B4GALNT2: variants seen among roughly 807,000 people sequenced by gnomAD.
The protein encoded by B4GALNT2 is beta-1,4-N-acetyl-galactosaminyltransferase 2 (SID blood group), also known as N-acetylneuraminylgalactosylglucosyl-glucoside beta-1,4-N- acetylgalactosaminyltransferase 2.
B4GALNT2 carries 42 observed loss-of-function variants against 51.1 expected under a neutral mutation model. The observed-to-expected ratio is 0.82, with a 90% confidence interval of 0.64 to 1.06. B4GALNT2 has a LOEUF of 1.06. Ranked by LOEUF, B4GALNT2 falls within the 50% of genes least tolerant of loss-of-function variation. The pLI is 0.00. For missense variants in B4GALNT2, 602 were observed against 633.6 expected, an observed-to-expected ratio of 0.95 and a Z score of 0.54; for synonymous variants, 253 against 251.7, an observed-to-expected ratio of 1.01 and a Z score of -0.05.
chr17:49,122,326 A>C, the B4GALNT2 span, among the ~76,000 whole-genome samples: 1 of 152,216 alleles, frequency 6.6e-6, no homozygotes, highest in African/African-American at 2.4e-5. Context: ...AGTTATAAAA[A>C]GGAAGAGAGG....
chr17:49,164,326 C>T (rs2042891869), intron 8 of B4GALNT2, 51 bp downstream of exon 8: 1 of 1,537,414 alleles, frequency 6.5e-7, no homozygotes, highest in South Asian at 1.1e-5. Flanking sequence ...CAAGAGGGCC[C>T]CAGGGTCAGG....
intron 4 of B4GALNT2, 25 bp from the exon 5 acceptor site, chr17:49,156,541 C>A (rs777305349): frequency 2.5e-5 from 41 of 1,613,628 alleles, no homozygotes; most frequent in Non-Finnish European, 3.5e-5. Context: ...GAGCAGTTTT[C>A]TTTCCTTTTC....
At chr17:49,130,929 C>G (rs2042534297), upstream of B4GALNT2, among the ~76,000 whole-genome samples, 1 of 152,168 alleles carries the variant, frequency 6.6e-6, no homozygotes, top group Non-Finnish European at 1.5e-5. Flanking sequence ...TCATCTTCTT[C>G]AGCATTTGGG....
At position 49,169,675 on chromosome 17, in the gene B4GALNT2, C is replaced by T; in HGVS notation, c.1468C>T (p.Gln490Ter). The change falls in exon 11 of 11, where the codon CAG (glutamine) becomes TAG (stop). Residue 490 changes from glutamine to a stop codon, truncating the protein, a stop_gained. Transcript: ENST00000393354. LOFTEE classifies it high-confidence loss of function. ...CCGGTCCAACACCCTCACCCGGGTCCAGTTCAAGCTGGCCCTCCACTACTT... is the reference window on the plus strand; with the variant it reads ...CCGGTCCAACACCCTCACCCGGGTCTAGTTCAAGCTGGCCCTCCACTACTT... ...TYRSNTLTRV[Q>*]FKLALHYFKN... The T allele has an allele frequency of 1.2e-6, 2 of 1,606,714 alleles. No homozygotes were observed. The highest frequency in any genetic ancestry group is 1.1e-5 in the South Asian group (1 of 90,366).
intron 1 of B4GALNT2, among the ~76,000 whole-genome samples, chr17:49,137,721 C>A (rs1293003987): frequency 2.6e-5 from 4 of 152,118 alleles, no homozygotes; most frequent in African/African-American, 9.7e-5. Flanking sequence ...ATTGTTCCCT[C>A]CCATTCTTTT....
chr17:49,160,515 C>A, intron 6 of B4GALNT2, 40 bp from the exon 7 acceptor site: 1 of 1,576,294 alleles, frequency 6.3e-7, no homozygotes, highest in Non-Finnish European at 8.7e-7. Flanking sequence ...TTAATCCAGA[C>A]ATGATACTCC....
At chr17:49,134,597 T>A (rs2042573596) in intron 1 of B4GALNT2, among the ~76,000 whole-genome samples, 1 of 151,426 alleles carries the variant, frequency 6.6e-6, no homozygotes, top group South Asian at 2.1e-4. Context: ...TATTTTATTT[T>A]ATTTTTTTTA....
In B4GALNT2 at chr17:49,164,287, T is replaced by C; in HGVS notation, c.954+12T>C. On this transcript the variant is annotated intron_variant, in intron 8 of 10. Coordinates refer to ENST00000393354, the MANE Select transcript of B4GALNT2 (RefSeq NM_001159387.2). ...TGCCCTTTGGGAAGGTATGTCCCTC[T>C]CAGATTGGGTGGCACCTGCATTCCA... 1 of 1,603,798 alleles carries C rather than the reference T, an allele frequency of 6.2e-7. No individual in the cohort carries two copies. The highest frequency in any genetic ancestry group is 1.7e-5 in the Admixed American group (1 of 59,980).
rs146279623 is a variant in B4GALNT2 at position 49,138,832 on chromosome 17, G to C, written c.15-2415G>C. Among the ~76,000 whole-genome samples, 1,327 of 152,272 alleles carry C rather than the reference G, an allele frequency of 8.7e-3. 22 individuals carry two copies. The highest frequency in any genetic ancestry group is 0.03 in the African/African-American group (1,250 of 41,556). ...GTGGAGGTTGCAGTGAGCTGAGATT[G>C]TGCCACTGCACTCCAGCCTGGGTGA... On this transcript the variant is annotated intron_variant, in intron 1 of 10. Transcript: ENST00000393354.
intron 4 of B4GALNT2, 137 bp downstream of exon 4, chr17:49,153,043 C>A: frequency 2.7e-6 from 2 of 747,918 alleles, no homozygotes; most frequent in Non-Finnish European, 2.3e-6. Context: ...TTCAAGACTG[C>A]AGTGAGCTAT....
At chr17:49,151,935 A>T (rs1366792865) in intron 3 of B4GALNT2, among the ~76,000 whole-genome samples, 1 of 152,162 alleles carries the variant, frequency 6.6e-6, no homozygotes, top group East Asian at 1.9e-4. Flanking sequence ...TTTGGATATT[A>T]AGGACCATGT....
chr17:49,141,409 G>A lies in B4GALNT2; in HGVS notation c.177G>A (p.Glu59=), dbSNP rs138272592. 345 of 1,614,144 alleles carry A rather than the reference G, an allele frequency of 2.1e-4. 3 individuals are homozygous for A. In the African/African-American group the frequency reaches 3.8e-3, roughly 18 times the overall value. The change falls in exon 2 of 11, where the codon GAG becomes GAA. Residue 59 remains glutamate (E), a synonymous_variant. Coordinates refer to ENST00000393354, the MANE Select transcript of B4GALNT2 (RefSeq NM_001159387.2). ...TCCAGAAGCTGAAGCTTCTGCCTGA[G>A]GAACGTCTCAGGAACCTCTTTTCCT... The part of the protein sequence containing the change: ...PGVQKLKLLP[E]ERLRNLFSYD...
chr17:49,124,657 C>A, the B4GALNT2 span, among the ~76,000 whole-genome samples: 1 of 129,364 alleles, frequency 7.7e-6, no homozygotes, highest in African/African-American at 2.8e-5. Flanking sequence ...GATTTTATAC[C>A]AAATTTTACC....
At chr17:49,134,887 A>C (rs2042576500) in intron 1 of B4GALNT2, among the ~76,000 whole-genome samples, 1 of 152,106 alleles carries the variant, frequency 6.6e-6, no homozygotes, top group African/African-American at 2.4e-5. Flanking sequence ...CACAGTGCCC[A>C]GCCTGATACT....
intron 3 of B4GALNT2, chr17:49,148,905 A>C: frequency 5.5e-6 from 1 of 182,814 alleles, no homozygotes; most frequent in Non-Finnish European, 1.1e-5. Context: ...AAAATACAAA[A>C]ATTAGCTGGG....
At chr17:49,165,332 C>G (rs1341982229) in intron 8 of B4GALNT2, among the ~76,000 whole-genome samples, 3 of 145,602 alleles carry the variant, frequency 2.1e-5, no homozygotes, top group African/African-American at 5.1e-5. Flanking sequence ...CCTTCTCCCT[C>G]TCTTCTTCCC....
intron 3 of B4GALNT2, among the ~76,000 whole-genome samples, chr17:49,146,927 G>A (rs1016319107): frequency 9.9e-5 from 15 of 152,166 alleles, no homozygotes; most frequent in South Asian, 2.1e-4. Context: ...AATTACATAT[G>A]ATAAATAACC....
At position 49,174,996 on chromosome 17, in the gene B4GALNT2, A is replaced by C. The variant is rs1476130061; in HGVS notation, c.*5268A>C. 2 of 152,182 alleles carry C rather than the reference A, an allele frequency of 1.3e-5. No individual in the cohort carries two copies. The highest frequency in any genetic ancestry group is 4.8e-5 in the African/African-American group (2 of 41,454). The allele number at this position is 152,182 out of a possible 1,614,324, so 9.4% of individuals were successfully genotyped here. Reference sequence around the variant, plus strand: ...TAACAAATCTCTTTCCCATAAATGTATAGGTACAGAAGTTATAATTGGTTG... The same window carrying C: ...TAACAAATCTCTTTCCCATAAATGTCTAGGTACAGAAGTTATAATTGGTTG... On this transcript the variant is annotated 3_prime_UTR_variant, in exon 11 of 11. Coordinates refer to ENST00000393354, the MANE Select transcript of B4GALNT2 (RefSeq NM_001159387.2).
Position 49,169,753 on chromosome 17 carries a change from C to G in B4GALNT2, c.*25C>G. 1 of 1,522,846 alleles carries G rather than the reference C, an allele frequency of 6.6e-7. No homozygotes were observed. The highest frequency in any genetic ancestry group is 1.3e-5 in the South Asian group (1 of 76,908). 94.3% of individuals were successfully genotyped at this position (1,522,846 alleles called of 1,614,324 possible). On this transcript the variant is annotated 3_prime_UTR_variant, in exon 11 of 11. Transcript: ENST00000393354. ...AAGGTGTGAGGGCATAGGAGAAACA[C>G]TAGGCTGGCTGGTTATGGTATCTAT...
Sources: allele counts gnomAD v4.1 joint callset (sites outside exome capture counted in the v4.1 genomes callset), GRCh38; gene constraint gnomAD v4.1.1; transcripts MANE v1.5; gene names NCBI Gene and HGNC (gene_info 2026-07-23, HGNC 2026-07-21).